Variants in CWC27 observed in about 807,000 individuals in gnomAD.
CWC27 encodes the protein spliceosome-associated protein CWC27 homolog.
CWC27 carries 47 observed loss-of-function variants against 63.6 expected under a neutral mutation model. The ratio of observed to expected loss-of-function variants is 0.74; its 90% CI spans 0.58 to 0.94. The LOEUF is 0.94. Among genes scored for constraint, CWC27 ranks in the 40% least tolerant of loss-of-function variants. The probability of loss-of-function intolerance (pLI) is 0.00; values close to 1 mark genes in which losing one functional copy is unlikely to be tolerated. For synonymous variants in CWC27, 175 were observed against 179.8 expected, an observed-to-expected ratio of 0.97 and a Z score of 0.22; for missense variants, 495 against 554.3, an observed-to-expected ratio of 0.89 and a Z score of 1.07.
intron 6 of CWC27, among the ~76,000 whole-genome samples, chr5:64,787,480 T>G (rs1743928784): frequency 6.6e-6 from 1 of 152,012 alleles, no homozygotes; most frequent in African/African-American, 2.4e-5. Context: ...TAAAGAATAT[T>G]TTTAATGACT....
intron 10 of CWC27, among the ~76,000 whole-genome samples, chr5:64,842,224 C>T (rs1039254908): frequency 6.6e-6 from 1 of 152,112 alleles, no homozygotes; most frequent in Non-Finnish European, 1.5e-5. Flanking sequence ...TTTGCTTACC[C>T]CTGGTTTACA....
chr5:64,901,672 A>T (rs891001945), intron 11 of CWC27, among the ~76,000 whole-genome samples: 4 of 152,120 alleles, frequency 2.6e-5, no homozygotes, highest in Non-Finnish European at 5.9e-5. Context: ...TCTCTCTTTA[A>T]TAACAACTTC....
At chr5:64,933,750 C>T (rs1162861871) in intron 11 of CWC27, among the ~76,000 whole-genome samples, 1 of 152,190 alleles carries the variant, frequency 6.6e-6, no homozygotes, top group Non-Finnish European at 1.5e-5. Flanking sequence ...CTCTGCCTCC[C>T]AAAGTGCTGG....
At chr5:64,960,262 G>A (rs1303521981) in intron 11 of CWC27, among the ~76,000 whole-genome samples, 2 of 151,352 alleles carry the variant, frequency 1.3e-5, no homozygotes, top group South Asian at 2.1e-4. Flanking sequence ...CTGGTTAAGC[G>A]CTTGTACTTT....
chr5:64,872,593 A>C (rs1044877581), intron 10 of CWC27, among the ~76,000 whole-genome samples: 5 of 152,100 alleles, frequency 3.3e-5, no homozygotes, highest in Non-Finnish European at 5.9e-5. Context: ...TATTTAAATC[A>C]TTTGTCCATA....
chr5:64,783,927 TCA>T lies in CWC27; in HGVS notation c.348_349del (p.Leu117GlyfsTer5). The T allele has an allele frequency of 6.2e-7, 1 of 1,607,606 alleles. No individual in the cohort carries two copies. The highest frequency in any genetic ancestry group is 8.5e-7 in the Non-Finnish European group (1 of 1,177,158). On this transcript the variant is annotated frameshift_variant, in exon 4 of 14. Transcript: ENST00000381070. LOFTEE classifies it high-confidence loss of function. ...CATGATAATGGCAGCCAGTTTTTCTTCACACTGGGTCGAGCAGATGAACTTAA... is the reference window on the plus strand; with the variant it reads ...CATGATAATGGCAGCCAGTTTTTCTTCACTGGGTCGAGCAGATGAACTTAA...
chr5:64,994,733 G>A (rs1452910116), intron 13 of CWC27, among the ~76,000 whole-genome samples: 1 of 152,098 alleles, frequency 6.6e-6, no homozygotes, highest in East Asian at 1.9e-4. Flanking sequence ...TGCACTGTAT[G>A]AAGTTGAATC....
intron 11 of CWC27, among the ~76,000 whole-genome samples, chr5:64,905,346 C>A (rs1272312741): frequency 6.6e-6 from 1 of 151,990 alleles, no homozygotes; most frequent in Non-Finnish European, 1.5e-5. Flanking sequence ...AGTCTTTCAA[C>A]CTCCTCCTGC....
intron 11 of CWC27, among the ~76,000 whole-genome samples, chr5:64,956,851 A>G (rs572569268): frequency 1.1e-4 from 17 of 152,234 alleles, no homozygotes; most frequent in African/African-American, 3.4e-4. Flanking sequence ...CTGTTTCCTC[A>G]TGCATGAAAT....
intron 10 of CWC27, among the ~76,000 whole-genome samples, chr5:64,817,033 G>T (rs900044206): frequency 2.0e-5 from 3 of 151,996 alleles, no homozygotes; most frequent in Non-Finnish European, 4.4e-5. Context: ...TCTGGCAAGG[G>T]CAACCCCTTC....
chr5:64,788,234 T>C (rs1042282705), intron 6 of CWC27, among the ~76,000 whole-genome samples: 1 of 152,060 alleles, frequency 6.6e-6, no homozygotes, highest in Non-Finnish European at 1.5e-5. Context: ...TCTAAAGTCT[T>C]TTTTTGGTGT....
chr5:64,853,802 A>C (rs565620662), intron 10 of CWC27, among the ~76,000 whole-genome samples: 224 of 152,294 alleles, frequency 1.5e-3, no homozygotes, highest in Middle Eastern at 3.4e-3. Context: ...AACCTTCAAA[A>C]CTGGGGATGA....
At chr5:64,949,624 AT>A (rs1748666315) in intron 11 of CWC27, among the ~76,000 whole-genome samples, 6 of 151,990 alleles carry the variant, frequency 3.9e-5, no homozygotes, top group African/African-American at 1.4e-4. Context: ...GCAAGGCCCT[AT>A]ATGGGCTATA....
intron 13 of CWC27, among the ~76,000 whole-genome samples, chr5:64,998,498 T>G (rs1191120541): frequency 6.6e-6 from 1 of 152,176 alleles, no homozygotes; most frequent in Non-Finnish European, 1.5e-5. Context: ...AAAGATATTT[T>G]GAAACCTACG....
intron 11 of CWC27, among the ~76,000 whole-genome samples, chr5:64,902,556 T>C (rs573922032): frequency 2.6e-5 from 4 of 152,332 alleles, no homozygotes; most frequent in Admixed American, 6.5e-5. Context: ...ATTCTATATA[T>C]TATATATGGG....
At chr5:64,786,708 ATTGT>A in intron 6 of CWC27, 81 bp downstream of exon 6, 5 of 821,354 alleles carry the variant, frequency 6.1e-6, no homozygotes, top group Non-Finnish European at 9.2e-6. Context: ...TTTTATAGTA[ATTGT>A]TTACTAGCAA....
intron 13 of CWC27, among the ~76,000 whole-genome samples, chr5:65,010,097 G>A (rs1749919786): frequency 6.6e-6 from 1 of 152,166 alleles, no homozygotes; most frequent in Admixed American, 6.5e-5. Flanking sequence ...ATACCACAGA[G>A]GTTTCATAGA....
At chr5:65,005,343 T>A (rs1749822939) in intron 13 of CWC27, among the ~76,000 whole-genome samples, 2 of 152,094 alleles carry the variant, frequency 1.3e-5, no homozygotes, top group Non-Finnish European at 2.9e-5. Flanking sequence ...GGTTGATCCC[T>A]GGGCCCCAGG....
At chr5:64,797,133 A>G (rs1744305014) in intron 7 of CWC27, among the ~76,000 whole-genome samples, 3 of 151,950 alleles carry the variant, frequency 2.0e-5, no homozygotes, top group Admixed American at 6.6e-5. Flanking sequence ...AGCCCCTAAC[A>G]CTGAATTCAC....
Sources: allele counts gnomAD v4.1 joint callset (sites outside exome capture counted in the v4.1 genomes callset), GRCh38; gene constraint gnomAD v4.1.1; transcripts MANE v1.5; gene names NCBI Gene and HGNC (gene_info 2026-07-23, HGNC 2026-07-21).